SLC8A1: variants seen among roughly 807,000 people sequenced by gnomAD.
SLC8A1 encodes solute carrier family 8 member A1.
A neutral mutation model predicts 68.3 loss-of-function variants in SLC8A1; 18 were observed. That is an observed-to-expected ratio of 0.26 (90% confidence interval 0.18 to 0.39). The LOEUF (loss-of-function observed/expected upper bound fraction) is 0.39. Ranked by LOEUF, SLC8A1 falls within the 10% of genes least tolerant of loss-of-function variation. The probability of loss-of-function intolerance (pLI) is 1.00; values close to 1 mark genes in which losing one functional copy is unlikely to be tolerated. For synonymous variants in SLC8A1, 475 were observed against 415.5 expected, an observed-to-expected ratio of 1.14 and a Z score of -1.74; for missense variants, 985 against 1,156.7, an observed-to-expected ratio of 0.85 and a Z score of 2.15.
chr2:40,395,039 A>C (rs1411557915), intron 2 of SLC8A1, among the ~76,000 whole-genome samples: 1 of 152,204 alleles, frequency 6.6e-6, no homozygotes, highest in Non-Finnish European at 1.5e-5. Flanking sequence ...TCACCTACTG[A>C]TTATAGATTT....
chr2:40,189,658 T>G (rs1043105028), intron 2 of SLC8A1: 2 of 152,158 alleles, frequency 1.3e-5, no homozygotes, highest in Admixed American at 6.5e-5. Flanking sequence ...TATTGCAAAT[T>G]TGAGAAATGC....
At chr2:40,125,787 C>T (rs2037956368) in intron 7 of SLC8A1, among the ~76,000 whole-genome samples, 1 of 152,104 alleles carries the variant, frequency 6.6e-6, no homozygotes, top group Admixed American at 6.6e-5. Context: ...TAGAGCTCTA[C>T]CTAAGCTGCT....
At chr2:40,171,280 C>A (rs758525980) in intron 4 of SLC8A1, among the ~76,000 whole-genome samples, 2 of 152,126 alleles carry the variant, frequency 1.3e-5, no homozygotes, top group African/African-American at 2.4e-5. Context: ...CATAGTTTGG[C>A]TTCCTTAAAA....
intron 2 of SLC8A1, among the ~76,000 whole-genome samples, chr2:40,236,510 G>A (rs2060393633): frequency 6.6e-6 from 1 of 151,566 alleles, no homozygotes; most frequent in African/African-American, 2.4e-5. Context: ...ACGTGAGATG[G>A]GTTTCCTGAA....
chr2:40,133,792 C>A (rs776174706), intron 7 of SLC8A1, among the ~76,000 whole-genome samples: 21 of 151,512 alleles, frequency 1.4e-4, no homozygotes, highest in African/African-American at 4.6e-4. Context: ...CCAATAGGAA[C>A]AAGACATGAA....
intron 7 of SLC8A1, among the ~76,000 whole-genome samples, chr2:40,135,103 A>G (rs1572971119): frequency 6.6e-6 from 1 of 152,332 alleles, no homozygotes; most frequent in Non-Finnish European, 1.5e-5. Context: ...GTGGATAGAA[A>G]AAAAGGCCCA....
chr2:40,177,313 G>T (rs1250578986), intron 3 of SLC8A1, among the ~76,000 whole-genome samples: 2 of 152,054 alleles, frequency 1.3e-5, no homozygotes, highest in Admixed American at 6.5e-5. Context: ...TGCCATTAGG[G>T]TCATCTACTA....
exon 8 of SLC8A1, chr2:40,108,701 A>G (rs2034377480): frequency 6.6e-6 from 1 of 152,238 alleles, no homozygotes; most frequent in African/African-American, 2.4e-5. Context: ...ATGTTTGTAC[A>G]ATTTAGTTCA....
rs935383097 is a variant in SLC8A1, at chr2:40,162,108, C to T, written c.2062-1244G>A. Among the ~76,000 whole-genome samples the T allele has an allele frequency of 2.0e-5, 3 of 152,196 alleles. No individual in the cohort carries two copies. The East Asian group carries it at 5.8e-4, about 29-fold the overall frequency. ...CAACTGGCTCACTCTGTATTCATGA[C>T]ATTATTCTTGAAAGAATTGTATGTC... On this transcript the variant is annotated intron_variant, in intron 5 of 7. Coordinates refer to ENST00000406785, the Ensembl canonical transcript of SLC8A1.
At chr2:40,175,200 T>A in intron 3 of SLC8A1, 61 bp downstream of exon 4, 1 of 1,531,992 alleles carries the variant, frequency 6.5e-7, no homozygotes, top group Non-Finnish European at 9.0e-7. Flanking sequence ...CTGTATCACC[T>A]GACGGAAATG....
chr2:40,123,319 A>T (rs949373992), intron 7 of SLC8A1: 3 of 152,278 alleles, frequency 2.0e-5, no homozygotes, highest in African/African-American at 7.2e-5. Flanking sequence ...CAATTATTCC[A>T]TATAGAAACA....
chr2:40,372,716 C>G (rs185356740), intron 2 of SLC8A1, among the ~76,000 whole-genome samples: 1 of 152,082 alleles, frequency 6.6e-6, no homozygotes, highest in African/African-American at 2.4e-5. Flanking sequence ...CACTTCCAGA[C>G]TAAGTTTGGG....
chr2:40,245,983 A>C (rs2061814943), intron 2 of SLC8A1, among the ~76,000 whole-genome samples: 2 of 152,252 alleles, frequency 1.3e-5, no homozygotes, highest in Non-Finnish European at 2.9e-5. Context: ...CTACAGGTCC[A>C]TCTCAGAGAC....
intron 1 of SLC8A1, among the ~76,000 whole-genome samples, chr2:40,490,199 T>C (rs527784039): frequency 7.2e-5 from 11 of 152,270 alleles, no homozygotes; most frequent in Non-Finnish European, 1.5e-4. Context: ...ATCACGTATT[T>C]ATAAGGGCAG....
At chr2:40,394,043 G>A (rs1686123299) in intron 2 of SLC8A1, among the ~76,000 whole-genome samples, 1 of 152,070 alleles carries the variant, frequency 6.6e-6, no homozygotes, top group Admixed American at 6.6e-5. Flanking sequence ...CAGTCTGGGG[G>A]ATGCTACTGA....
intron 2 of SLC8A1, among the ~76,000 whole-genome samples, chr2:40,324,479 CAGA>C (rs2075587916): frequency 6.6e-6 from 1 of 152,120 alleles, no homozygotes; most frequent in African/African-American, 2.4e-5. Context: ...TTTCCTAACT[CAGA>C]AGTATTCTTC....
At chr2:40,285,293 A>G (rs1030428220) in intron 2 of SLC8A1, among the ~76,000 whole-genome samples, 5 of 152,100 alleles carry the variant, frequency 3.3e-5, no homozygotes, top group African/African-American at 1.2e-4. Context: ...GTTCTCTTTA[A>G]CCCTTTCAAG....
At chr2:40,256,915 G>T (rs1248013837) in intron 2 of SLC8A1, among the ~76,000 whole-genome samples, 2 of 152,116 alleles carry the variant, frequency 1.3e-5, no homozygotes, top group Non-Finnish European at 2.9e-5. Context: ...AGGGGAGAAT[G>T]TTGCTTCCCT....
At chr2:40,238,785 A>T (rs957728576) in intron 2 of SLC8A1, among the ~76,000 whole-genome samples, 3 of 151,890 alleles carry the variant, frequency 2.0e-5, no homozygotes, top group Non-Finnish European at 2.9e-5. Context: ...ACTTATATAA[A>T]TTTTTTTTCA....
Sources: allele counts gnomAD v4.1 joint callset (sites outside exome capture counted in the v4.1 genomes callset), GRCh38; gene constraint gnomAD v4.1.1; transcripts MANE v1.5; gene names NCBI Gene and HGNC (gene_info 2026-07-23, HGNC 2026-07-21).